Variants in MED1 observed in about 807,000 individuals in gnomAD.
MED1 encodes mediator of RNA polymerase II transcription subunit 1.
MED1 carries 17 observed loss-of-function variants against 121.3 expected under a neutral mutation model. The observed-to-expected ratio is 0.14, with a 90% CI of 0.10 to 0.21. The LOEUF (loss-of-function observed/expected upper bound fraction) is 0.21. Ranked by LOEUF, MED1 falls within the 10% of genes least tolerant of loss-of-function variation. The probability of loss-of-function intolerance (pLI) is 1.00; values close to 1 mark genes in which losing one functional copy is unlikely to be tolerated. For synonymous variants in MED1, 661 were observed against 694.4 expected (o/e 0.95, Z 0.76); for missense variants, 1,558 against 1,919.4 (o/e 0.81, Z 3.52).
At position 39,407,678 on chromosome 17, in the gene MED1, C is replaced by T; in HGVS notation, c.4543G>A (p.Asp1515Asn). Residue 1515 changes from aspartate (D) to asparagine (N), a missense_variant, in exon 17 of 17, where the codon GAC (aspartate) becomes AAC (asparagine). Coordinates refer to ENST00000300651, the MANE Select transcript of MED1 (RefSeq NM_004774.4). ...KKVKDKDRDR[D>N]RDKDRDKKKS... ...TTCTTGTCTCGGTCTTTGTCCCGGT[C>T]TCGGTCCCTATCTTTGTCTTTTACT... The T allele has an allele frequency of 6.2e-7, 1 of 1,614,058 alleles. No individual in the cohort carries two copies. Among genetic ancestry groups the T allele is most frequent in the East Asian group, 2.2e-5 (1 of 44,882 alleles).
chr17:39,419,401 CAT>C (rs545604800), intron 14 of MED1, among the ~76,000 whole-genome samples: 261 of 151,412 alleles, frequency 1.7e-3, no homozygotes, highest in Middle Eastern at 3.4e-3. Flanking sequence ...AAAAGCTCCA[CAT>C]GTTTGAATTT....
At chr17:39,416,943 G>A (rs187165065) in intron 14 of MED1, among the ~76,000 whole-genome samples, 70 of 152,282 alleles carry the variant, frequency 4.6e-4, no homozygotes, top group Admixed American at 1.6e-3. Flanking sequence ...GAGCCTGAGG[G>A]AAGAGTATCA....
intron 13 of MED1, among the ~76,000 whole-genome samples, chr17:39,423,060 T>G (rs904556057): frequency 3.3e-5 from 5 of 151,450 alleles, no homozygotes; most frequent in Non-Finnish European, 5.9e-5. Context: ...AGAGACAGGG[T>G]TTCCCTATGT....
intron 2 of MED1, among the ~76,000 whole-genome samples, chr17:39,445,951 C>T (rs1024903699): frequency 4.0e-5 from 6 of 151,376 alleles, no homozygotes; most frequent in African/African-American, 9.7e-5. Context: ...ATCGCTTGAA[C>T]CCAGGAGGCG....
At chr17:39,449,895 A>G (rs1335687546) in intron 1 of MED1, among the ~76,000 whole-genome samples, 1 of 140,914 alleles carries the variant, frequency 7.1e-6, no homozygotes, top group Non-Finnish European at 1.5e-5. Flanking sequence ...GCTCACCACA[A>G]CCTCCACCTC....
Position 39,448,635 on chromosome 17 carries a change from C to T in MED1, c.26-731G>A, listed in dbSNP as rs564843569. 4.0e-4 allele frequency among the ~76,000 whole-genome samples: 60 copies of T among 151,504 alleles called. 1 individual carries two copies. Among genetic ancestry groups the T allele is most frequent in the African/African-American group, 8.5e-4 (35 of 41,290 alleles). On this transcript the variant is annotated intron_variant, in intron 1 of 16. Transcript: ENST00000300651. Reference sequence around the variant, plus strand: ...AAAATAAATGAAAATGCTGGCTGGGCGGAGTGGCTCACGCCTGTAATCCCA... The same window carrying T: ...AAAATAAATGAAAATGCTGGCTGGGTGGAGTGGCTCACGCCTGTAATCCCA...
intron 1 of MED1, among the ~76,000 whole-genome samples, chr17:39,448,841 G>A (rs149223047): frequency 0.013 from 1,971 of 151,950 alleles, 21 homozygotes; most frequent in Middle Eastern, 0.024. Flanking sequence ...CCCAGGAGGC[G>A]GAGGTTGCAG....
chr17:39,415,806 C>T (rs1484850164), intron 14 of MED1, among the ~76,000 whole-genome samples: 1 of 113,168 alleles, frequency 8.8e-6, no homozygotes, highest in Non-Finnish European at 1.7e-5. Context: ...AAGAGTAAGA[C>T]TCCATCTCAA....
chr17:39,438,375 G>C, intron 6 of MED1, among the ~76,000 whole-genome samples: 1 of 123,390 alleles, frequency 8.1e-6, no homozygotes, highest in East Asian at 2.3e-4. Context: ...ACGGCGTCTT[G>C]CTCTGTCGCC....
chr17:39,405,045 G>T lies in MED1; in HGVS notation c.*2430C>A. On this transcript the variant is annotated 3_prime_UTR_variant, in exon 17 of 17. Transcript: ENST00000300651. ...CACCAGCAGCAGAAGATAGGTAGAA[G>T]TTGACTTCATGTCCTTGCCTTCTTT... The T allele has an allele frequency of 1.6e-6, 1 of 642,592 alleles. No homozygotes were observed. Among genetic ancestry groups the T allele is most frequent in the Non-Finnish European group, 2.5e-6 (1 of 405,296 alleles). 39.8% of individuals were successfully genotyped at this position (642,592 alleles called of 1,614,324 possible). A position where few individuals can be genotyped will look rare whatever the true frequency, so the allele number is the denominator to read the frequency against.
Position 39,447,894 on chromosome 17 carries a change from CT to C in MED1, c.35del (p.Lys12SerfsTer2). On this transcript the variant is annotated frameshift_variant, in exon 2 of 17. Coordinates refer to ENST00000300651, the MANE Select transcript of MED1 (RefSeq NM_004774.4). LOFTEE classifies it high-confidence loss of function. ...KAQGETEESE[K>X]LSKMSSLLER... is the part of the protein sequence containing the mutation. ...CCAGGAGAGAACTCATCTTACTCAG[CT>C]TTTCTGACTCTATGATTTAAATCAG... is the stretch of plus-strand genomic sequence containing the variant. 1 of 1,609,370 alleles carries C rather than the reference CT, an allele frequency of 6.2e-7. No homozygotes were observed. The highest frequency in any genetic ancestry group is 8.5e-7 in the Non-Finnish European group (1 of 1,176,452).
At chr17:39,427,406 T>A (rs1018443993) in intron 10 of MED1, 3 of 174,022 alleles carry the variant, frequency 1.7e-5, no homozygotes, top group Non-Finnish European at 3.7e-5. Flanking sequence ...GGTCTCCAAG[T>A]CCTGACCTCG....
chr17:39,428,636 A>G (rs967216948), intron 9 of MED1, among the ~76,000 whole-genome samples: 2 of 151,920 alleles, frequency 1.3e-5, no homozygotes, highest in African/African-American at 4.8e-5. Flanking sequence ...CCCGTCTCAA[A>G]AAGTAAAAAT....
chr17:39,423,543 C>A, intron 12 of MED1, 98 bp from the exon 13 acceptor site: 1 of 1,418,040 alleles, frequency 7.1e-7, no homozygotes, highest in South Asian at 1.2e-5. Flanking sequence ...CAAAAGAGTA[C>A]TTACTAAGCA....
chr17:39,414,623 C>T (rs1440592132), intron 16 of MED1, among the ~76,000 whole-genome samples: 3 of 139,576 alleles, frequency 2.1e-5, no homozygotes, highest in Non-Finnish European at 4.6e-5. Context: ...GCGTGAGCCA[C>T]CAGGCCCGGC....
intron 16 of MED1, among the ~76,000 whole-genome samples, chr17:39,411,182 G>C (rs1431283219): frequency 6.6e-6 from 1 of 152,100 alleles, no homozygotes; most frequent in Non-Finnish European, 1.5e-5. Context: ...AGCTGGGCGT[G>C]GTGGCGCGTG....
intron 3 of MED1, among the ~76,000 whole-genome samples, chr17:39,442,472 C>T (rs575039743): frequency 3.8e-4 from 57 of 151,822 alleles, no homozygotes; most frequent in Admixed American, 1.3e-3. Context: ...TGGGACGCGC[C>T]TGTAGTCCCA....
Position 39,405,195 on chromosome 17 carries a change from T to G in MED1, c.*2280A>C. 6.5e-7 allele frequency: 1 copy of G among 1,549,136 alleles called. No individual in the cohort carries two copies. Among genetic ancestry groups the G allele is most frequent in the Non-Finnish European group, 8.7e-7 (1 of 1,145,364 alleles). ...CTGGTTCTCAGGCAGGGTGAAGCAG[T>G]TTAGCCCCGGCTCCCTGTTAAGCAA... is the stretch of plus-strand genomic sequence containing the variant. On this transcript the variant is annotated 3_prime_UTR_variant, in exon 17 of 17. Transcript: ENST00000300651.
intron 1 of MED1, 121 bp from the exon 2 acceptor site, chr17:39,448,025 A>G: frequency 3.1e-6 from 2 of 653,890 alleles, no homozygotes; most frequent in South Asian, 4.1e-5. Context: ...TATTTTCCAA[A>G]ATCATTTTAC....
Sources: allele counts gnomAD v4.1 joint callset (sites outside exome capture counted in the v4.1 genomes callset), GRCh38; gene constraint gnomAD v4.1.1; transcripts MANE v1.5; gene names NCBI Gene and HGNC (gene_info 2026-07-23, HGNC 2026-07-21).